Variants in LRRC57 observed in about 807,000 individuals in gnomAD.
The protein encoded by LRRC57 is leucine-rich repeat-containing protein 57.
In LRRC57, 14 loss-of-function variants were observed where a neutral mutation model predicts 23.1. The observed-to-expected ratio is 0.61, with a 90% CI of 0.40 to 0.95. The LOEUF is 0.95. Ranked by LOEUF, LRRC57 falls within the 40% of genes least tolerant of loss-of-function variation. LRRC57 has a pLI of 0.00. For synonymous variants in LRRC57, 106 were observed against 115.2 expected, an observed-to-expected ratio of 0.92 and a Z score of 0.51; for missense variants, 236 against 284.4, an observed-to-expected ratio of 0.83 and a Z score of 1.22.
chr15:42,544,824 C>A (rs1379570188), intron 5 of LRRC57, among the ~76,000 whole-genome samples: 3 of 111,000 alleles, frequency 2.7e-5, no homozygotes, highest in Admixed American at 2.5e-4. Flanking sequence ...CTCACACACA[C>A]ACACACACAC....
the LRRC57 span, chr15:42,531,944 A>C: frequency 2.6e-5 from 4 of 152,770 alleles, no homozygotes; most frequent in African/African-American, 9.6e-5. Context: ...CACAACGAAG[A>C]TCTAGTTGGA....
intron 2 of LRRC57, 24 bp downstream of exon 2, chr15:42,548,327 T>G: frequency 6.2e-7 from 1 of 1,614,138 alleles, no homozygotes; most frequent in Non-Finnish European, 8.5e-7. Flanking sequence ...TTAAGTTCCC[T>G]GGTCGTGTCC....
At chr15:42,528,933 T>C in the LRRC57 span, among the ~76,000 whole-genome samples, 1 of 152,194 alleles carries the variant, frequency 6.6e-6, no homozygotes, top group Non-Finnish European at 1.5e-5. Context: ...TGGAATTAAC[T>C]TTTCTTTATA....
downstream of LRRC57, among the ~76,000 whole-genome samples, chr15:42,535,563 G>C (rs2057596761): frequency 6.6e-6 from 1 of 151,748 alleles, no homozygotes; most frequent in African/African-American, 2.4e-5. Flanking sequence ...GCAGGTGTGT[G>C]CCACCATGTC....
In LRRC57 at chr15:42,540,976, G is replaced by T. The variant is rs982968657; in HGVS notation, c.*3107C>A. ...GAACCTGGGAGGCAGAGGTTGCAATGAGCCAAGATCGCACCACTGCACTCC... is the reference window on the plus strand; with the variant it reads ...GAACCTGGGAGGCAGAGGTTGCAATTAGCCAAGATCGCACCACTGCACTCC... On this transcript the variant is annotated 3_prime_UTR_variant, in exon 6 of 6. Transcript: ENST00000397130. 1 of 151,384 alleles carries T rather than the reference G, an allele frequency of 6.6e-6. No homozygotes were observed. Among genetic ancestry groups the T allele is most frequent in the Admixed American group, 6.6e-5 (1 of 15,162 alleles). The allele number at this position is 151,384 out of a possible 1,614,324, so 9.4% of individuals were successfully genotyped here. A position where few individuals can be genotyped will look rare whatever the true frequency, so the allele number is the denominator to read the frequency against.
chr15:42,535,137 A>G (rs1006258806), downstream of LRRC57, among the ~76,000 whole-genome samples: 6 of 152,210 alleles, frequency 3.9e-5, no homozygotes, highest in Admixed American at 2.0e-4. Flanking sequence ...TGAAAAATCT[A>G]TTGTTTACTG....
chr15:42,531,281 A>G, the LRRC57 span: 2 of 523,062 alleles, frequency 3.8e-6, no homozygotes, highest in South Asian at 3.9e-5. Context: ...TTCTTGCCCA[A>G]CATGAGTTTT....
At chr15:42,536,218 CAA>C (rs2057600088), downstream of LRRC57, among the ~76,000 whole-genome samples, 1 of 152,152 alleles carries the variant, frequency 6.6e-6, no homozygotes, top group East Asian at 1.9e-4. Context: ...AAATGTGAGA[CAA>C]AGTGAGGACA....
intron 3 of LRRC57, 52 bp downstream of exon 3, chr15:42,548,054 A>G: frequency 6.3e-7 from 1 of 1,592,562 alleles, no homozygotes; most frequent in Admixed American, 1.8e-5. Context: ...AGAGAAAACC[A>G]CCCCTGGTAA....
At position 42,537,985 on chromosome 15, in the gene LRRC57, T is replaced by C. The variant is rs2141571825; in HGVS notation, c.*6098A>G. ...GTTAGATAGAAGGAATAAGTTTTAATGCTTGATAGCATAGTACGGTGACTA... is the reference window on the plus strand; with the variant it reads ...GTTAGATAGAAGGAATAAGTTTTAACGCTTGATAGCATAGTACGGTGACTA... On this transcript the variant is annotated 3_prime_UTR_variant, in exon 6 of 6. Coordinates refer to ENST00000397130, the MANE Select transcript of LRRC57 (RefSeq NM_153260.3). 1 of 152,324 alleles carries C rather than the reference T, an allele frequency of 6.6e-6. No homozygotes were observed. The highest frequency in any genetic ancestry group is 2.1e-4 in the South Asian group (1 of 4,832). The allele number at this position is 152,324 out of a possible 1,614,324, so 9.4% of individuals were successfully genotyped here.
Position 42,545,205 on chromosome 15 carries a change from C to T in LRRC57, c.550G>A (p.Glu184Lys). ...ATGCTGAGCTCAAGACAATTCTCTT[C>T]CAGGCGAAGAATTTTAAGGCGTGGA... ...CCPRLKILRL[E>K]ENCLELSMLP... Residue 184 changes from glutamate to lysine, a missense_variant, in exon 5 of 6, where the codon GAA (glutamate) becomes AAA (lysine). Physicochemically the swap from Glu to Lys is moderately conservative, Grantham distance 56. Transcript: ENST00000397130. 1.2e-6 allele frequency: 2 copies of T among 1,608,470 alleles called. No individual in the cohort carries two copies. Among genetic ancestry groups the T allele is most frequent in the South Asian group, 1.1e-5 (1 of 90,168 alleles).
rs138509250 is a variant in LRRC57 at position 42,538,802 on chromosome 15, G to C, written c.*5281C>G. ...CAAATTCATAAAGCTAATAAATGAC[G>C]GACTCTGTATTCAAACCTGGATCTT... On this transcript the variant is annotated 3_prime_UTR_variant, in exon 6 of 6. Transcript: ENST00000397130. 13 of 152,208 alleles carry C rather than the reference G, an allele frequency of 8.5e-5. No homozygotes were observed. The highest frequency in any genetic ancestry group is 2.9e-4 in the African/African-American group (12 of 41,514). The allele number at this position is 152,208 out of a possible 1,614,324, so 9.4% of individuals were successfully genotyped here. A position where few individuals can be genotyped will look rare whatever the true frequency, so the allele number is the denominator to read the frequency against.
At position 42,547,450 on chromosome 15, in the gene LRRC57, C is replaced by T. The variant is rs538962912; in HGVS notation, c.303G>A (p.Pro101=). 1.9e-5 allele frequency: 30 copies of T among 1,613,924 alleles called. No homozygotes were observed. Among genetic ancestry groups the T allele is most frequent in the Middle Eastern group, 1.6e-4 (1 of 6,080 alleles). The change falls in exon 4 of 6, where the codon CCG becomes CCA. Residue 101 remains proline, a synonymous_variant. Coordinates refer to ENST00000397130, the MANE Select transcript of LRRC57 (RefSeq NM_153260.3). ...SLNNNHLREL[P]STFGQLSALK... ...GGGCAGAGAGTTGCCCAAAGGTAGA[C>T]GGCAGCTCTCTAAGGTGATTGTTGT...
downstream of LRRC57, among the ~76,000 whole-genome samples, chr15:42,537,135 T>C (rs2141570981): frequency 6.6e-6 from 1 of 152,090 alleles, no homozygotes; most frequent in African/African-American, 2.4e-5. Context: ...TCCCAGCTAC[T>C]TGGGAGGCTG....
chr15:42,543,676 T>C lies in LRRC57; in HGVS notation c.*407A>G, dbSNP rs995612861. On this transcript the variant is annotated 3_prime_UTR_variant, in exon 6 of 6. Coordinates refer to ENST00000397130, the MANE Select transcript of LRRC57 (RefSeq NM_153260.3). ...AAAATATGAAGTGTTAACACAGAGA[T>C]GGAATGGCAACAGACTTTATGAAAG... The C allele has an allele frequency of 2.2e-4, 37 of 169,132 alleles. No homozygotes were observed. Among genetic ancestry groups the C allele is most frequent in the African/African-American group, 8.8e-4 (37 of 42,260 alleles). The allele number at this position is 169,132 out of a possible 1,614,324, so 10.5% of individuals were successfully genotyped here. A position where few individuals can be genotyped will look rare whatever the true frequency, so the allele number is the denominator to read the frequency against.
At chr15:42,535,007 C>G (rs1043372265), downstream of LRRC57, among the ~76,000 whole-genome samples, 5 of 152,218 alleles carry the variant, frequency 3.3e-5, no homozygotes, top group Non-Finnish European at 7.3e-5. Context: ...GTCACCAGCT[C>G]TATTAGCCTC....
At chr15:42,531,128 C>T in the LRRC57 span, among the ~76,000 whole-genome samples, 2 of 152,182 alleles carry the variant, frequency 1.3e-5, no homozygotes, top group African/African-American at 4.8e-5. Context: ...CCATTGATTA[C>T]AGGATGCATC....
chr15:42,537,248 C>CACACACATACACACACACACACACACAT (rs2057605128), downstream of LRRC57, among the ~76,000 whole-genome samples: 10 of 149,546 alleles, frequency 6.7e-5, no homozygotes, highest in African/African-American at 2.5e-4. Context: ...CACACACACA[C>CACACACATACACACACACACACACACAT]ACACACACAC....
downstream of LRRC57, among the ~76,000 whole-genome samples, chr15:42,536,474 T>C (rs2057601164): frequency 6.6e-6 from 1 of 152,188 alleles, no homozygotes; most frequent in Non-Finnish European, 1.5e-5. Flanking sequence ...CAAGCATCTC[T>C]GTGAATTTGA....
Sources: allele counts gnomAD v4.1 joint callset (sites outside exome capture counted in the v4.1 genomes callset), GRCh38; gene constraint gnomAD v4.1.1; transcripts MANE v1.5; gene names NCBI Gene and HGNC (gene_info 2026-07-23, HGNC 2026-07-21).